The following BAIAP2 variants were observed in gnomAD, a reference collection of about 807,000 sequenced individuals.
BAIAP2 encodes the protein BAR/IMD domain containing adaptor protein 2.
Under a neutral mutation model 63.0 loss-of-function variants are expected in BAIAP2, and 18 were observed. That is an observed-to-expected ratio of 0.29 (90% CI 0.20 to 0.42). The LOEUF is 0.42. Ranked by LOEUF, BAIAP2 falls within the 10% of genes least tolerant of loss-of-function variation. BAIAP2 has a pLI of 1.00. For synonymous variants in BAIAP2, 386 were observed against 307.6 expected, an observed-to-expected ratio of 1.25 and a Z score of -2.67; for missense variants, 610 against 734.3, an observed-to-expected ratio of 0.83 and a Z score of 1.96.
chr17:81,075,931 T>C (rs1354238766), intron 3 of BAIAP2, among the ~76,000 whole-genome samples: 1 of 139,076 alleles, frequency 7.2e-6, no homozygotes, highest in Non-Finnish European at 1.6e-5. Flanking sequence ...TTGGGTCTGC[T>C]GGGAATTTTT....
At chr17:81,095,470 C>T (rs2057464586) in intron 6 of BAIAP2, among the ~76,000 whole-genome samples, 1 of 152,222 alleles carries the variant, frequency 6.6e-6, no homozygotes. Context: ...AGGATCTGCC[C>T]TGTACAGTCG....
chr17:81,087,977 C>T (rs1444724919), intron 6 of BAIAP2: 1 of 152,128 alleles, frequency 6.6e-6, no homozygotes, highest in Non-Finnish European at 1.5e-5. Flanking sequence ...AGCGAGCCGT[C>T]CTCAAGCTGT....
At chr17:81,093,865 CG>C (rs1004893341) in intron 6 of BAIAP2, among the ~76,000 whole-genome samples, 2 of 152,114 alleles carry the variant, frequency 1.3e-5, no homozygotes, top group African/African-American at 2.4e-5. Context: ...TGGCGACGTG[CG>C]GGGGGTGTGA....
At chr17:81,093,071 C>G (rs1038774896) in intron 6 of BAIAP2, among the ~76,000 whole-genome samples, 2 of 146,394 alleles carry the variant, frequency 1.4e-5, no homozygotes, top group African/African-American at 5.3e-5. Flanking sequence ...GAGTGGCCCA[C>G]CCACTCCCTG....
chr17:81,111,202 T>C (rs1005131477), intron 13 of BAIAP2, among the ~76,000 whole-genome samples: 2 of 152,236 alleles, frequency 1.3e-5, no homozygotes, highest in African/African-American at 4.8e-5. Flanking sequence ...CCGGGGCTCC[T>C]CTCACTGCTG....
intron 3 of BAIAP2, among the ~76,000 whole-genome samples, chr17:81,073,813 C>G (rs143756442): frequency 6.6e-6 from 1 of 152,326 alleles, no homozygotes; most frequent in East Asian, 1.9e-4. Flanking sequence ...AGGGGCTCTT[C>G]TAGGTTAAAG....
At chr17:81,037,062 T>A in intron 1 of BAIAP2, 2 of 968,902 alleles carry the variant, frequency 2.1e-6, no homozygotes, top group Non-Finnish European at 3.1e-6. Context: ...GGTGAAGCTG[T>A]AATTTATCTG....
At chr17:81,035,368 C>G in intron 1 of BAIAP2, 60 bp downstream of exon 1, 2 of 1,107,612 alleles carry the variant, frequency 1.8e-6, no homozygotes, top group Non-Finnish European at 2.2e-6. Flanking sequence ...CGCGCGCCGC[C>G]CGCGCGCCCG....
intron 3 of BAIAP2, among the ~76,000 whole-genome samples, chr17:81,064,395 G>A (rs967915941): frequency 3.3e-5 from 5 of 152,184 alleles, no homozygotes; most frequent in Admixed American, 2.6e-4. Flanking sequence ...CACTGTGGAT[G>A]ATGCTGCCCG....
intron 10 of BAIAP2, chr17:81,105,328 C>T (rs1274264849): frequency 1.3e-5 from 2 of 155,054 alleles, no homozygotes; most frequent in African/African-American, 2.4e-5. Context: ...CACGTGTACA[C>T]ACTCAGCACG....
At chr17:81,079,448 C>T (rs953079778) in intron 3 of BAIAP2, among the ~76,000 whole-genome samples, 3 of 152,112 alleles carry the variant, frequency 2.0e-5, no homozygotes, top group Non-Finnish European at 2.9e-5. Context: ...AGAGAGGCCT[C>T]GTTTTCAGGA....
At chr17:81,056,453 C>G (rs2049573789) in intron 2 of BAIAP2, 1 of 152,232 alleles carries the variant, frequency 6.6e-6, no homozygotes, top group South Asian at 2.1e-4. Flanking sequence ...TAGAGTCTTC[C>G]GTAGCCCTCA....
In BAIAP2 at chr17:81,089,178, GGTCT is replaced by G. The variant is rs141445699; in HGVS notation, c.489+2605_489+2608del. Among the ~76,000 whole-genome samples, 166 of 152,382 alleles carry G rather than the reference GGTCT, an allele frequency of 1.1e-3. 1 individual carries two copies. Among genetic ancestry groups the G allele is most frequent in the Non-Finnish European group, 1.8e-3 (123 of 68,046 alleles). On this transcript the variant is annotated intron_variant, in intron 6 of 13. Transcript: ENST00000428708. ...GAAGACCTTCTCCTTGCTGATGGCT[GGTCT>G]GTCTGTTTGCTGCATGTCCTGGCAC... is the stretch of plus-strand genomic sequence containing the variant.
intron 6 of BAIAP2, among the ~76,000 whole-genome samples, chr17:81,088,914 CA>C (rs1326686334): frequency 6.6e-6 from 1 of 152,218 alleles, no homozygotes; most frequent in African/African-American, 2.4e-5. Context: ...CTCCCTCCTG[CA>C]GGCTGGAGCC....
chr17:81,101,973 T>C (rs1034732426), intron 7 of BAIAP2, among the ~76,000 whole-genome samples: 1 of 151,482 alleles, frequency 6.6e-6, no homozygotes, highest in Non-Finnish European at 1.5e-5. Flanking sequence ...GGCCAGGGAG[T>C]GAGAGCGGGG....
At chr17:81,084,738 G>C in intron 3 of BAIAP2, 94 bp from the exon 4 acceptor site, 1 of 1,295,454 alleles carries the variant, frequency 7.7e-7, no homozygotes, top group Non-Finnish European at 1.1e-6. Flanking sequence ...TGGTCACAGG[G>C]CTTCCCTGGG....
At chr17:81,052,423 C>A (rs1042641787) in intron 1 of BAIAP2, among the ~76,000 whole-genome samples, 1 of 152,224 alleles carries the variant, frequency 6.6e-6, no homozygotes, top group Non-Finnish European at 1.5e-5. Context: ...ACCCTTGCTG[C>A]GTCCTGGAAG....
intron 1 of BAIAP2, among the ~76,000 whole-genome samples, chr17:81,043,764 G>T (rs572068530): frequency 1.3e-5 from 2 of 152,174 alleles, no homozygotes; most frequent in Non-Finnish European, 2.9e-5. Context: ...GTCCCCGCCC[G>T]TAAGCTGGAG....
At chr17:81,085,778 C>T in intron 5 of BAIAP2, 53 bp downstream of exon 5, 12 of 1,424,226 alleles carry the variant, frequency 8.4e-6, no homozygotes, top group Non-Finnish European at 1.2e-5. Flanking sequence ...CTCCGGCTCT[C>T]CCAAATGCCT....
Sources: gnomAD v4.1 joint callset for allele counts (sites outside exome capture counted in the v4.1 genomes callset) on GRCh38, gnomAD v4.1.1 for gene constraint, MANE v1.5 for transcripts, NCBI Gene and HGNC (gene_info 2026-07-23, HGNC 2026-07-21) for gene names.